BTAF1: variants seen among roughly 807,000 people sequenced by gnomAD.
BTAF1 encodes the protein TATA-binding protein-associated factor 172.
A neutral mutation model predicts 227.1 loss-of-function variants in BTAF1; 38 were observed. The ratio of observed to expected loss-of-function variants is 0.17; its 90% CI spans 0.13 to 0.22. BTAF1 has a LOEUF of 0.22. Among genes scored for constraint, BTAF1 ranks in the 10% least tolerant of loss-of-function variants. BTAF1 has a pLI of 1.00. For missense variants in BTAF1, 1,598 were observed against 2,204.0 expected, an observed-to-expected ratio of 0.73 and a Z score of 5.51; for synonymous variants, 742 against 751.9, an observed-to-expected ratio of 0.99 and a Z score of 0.21.
chr10:92,019,670 T>C (rs1850980192), intron 34 of BTAF1, among the ~76,000 whole-genome samples: 1 of 152,186 alleles, frequency 6.6e-6, no homozygotes, highest in African/African-American at 2.4e-5. Context: ...CCAACACTTG[T>C]TGATTTCTTT....
chr10:91,992,590 G>A (rs948366130), intron 21 of BTAF1, among the ~76,000 whole-genome samples: 3 of 152,156 alleles, frequency 2.0e-5, no homozygotes. Flanking sequence ...CTCAATAATA[G>A]TGAAAGCTAA....
At chr10:91,941,493 G>C (rs1193919670) in intron 3 of BTAF1, among the ~76,000 whole-genome samples, 1 of 152,120 alleles carries the variant, frequency 6.6e-6, no homozygotes, top group Non-Finnish European at 1.5e-5. Flanking sequence ...TTTGAGGAAG[G>C]AATACAGAAC....
chr10:91,950,223 C>T (rs1372970490), intron 4 of BTAF1, among the ~76,000 whole-genome samples: 1 of 150,430 alleles, frequency 6.6e-6, no homozygotes, highest in Non-Finnish European at 1.5e-5. Context: ...CTGGCTCTAT[C>T]TTCAGGCTAA....
chr10:91,950,036 G>T (rs4375360), intron 4 of BTAF1, among the ~76,000 whole-genome samples: 48,356 of 151,610 alleles, frequency 0.32, 8,835 homozygotes, highest in South Asian at 0.52. Context: ...TAGCTACTCA[G>T]AAGGCTGAGG....
chr10:92,009,337 A>T, intron 28 of BTAF1, 129 bp downstream of exon 28: 2 of 950,616 alleles, frequency 2.1e-6, no homozygotes, highest in Non-Finnish European at 3.1e-6. Flanking sequence ...TCACTTATGA[A>T]AAGTGAATGT....
chr10:92,017,442 T>C (rs1850814543), intron 33 of BTAF1, among the ~76,000 whole-genome samples: 1 of 152,168 alleles, frequency 6.6e-6, no homozygotes, highest in Admixed American at 6.5e-5. Flanking sequence ...CTCCTGCTAA[T>C]AGATTAAGTA....
chr10:92,023,129 A>G (rs1017049017), intron 34 of BTAF1, among the ~76,000 whole-genome samples: 1 of 152,170 alleles, frequency 6.6e-6, no homozygotes, highest in Non-Finnish European at 1.5e-5. Context: ...AGCCTAAATC[A>G]TATTATTTGC....
chr10:91,972,918 TATATA>T (rs1183116104), intron 14 of BTAF1, among the ~76,000 whole-genome samples: 1 of 152,232 alleles, frequency 6.6e-6, no homozygotes, highest in African/African-American at 2.4e-5. Flanking sequence ...TTGGAGATAT[TATATA>T]ATATACACTG....
intron 4 of BTAF1, among the ~76,000 whole-genome samples, chr10:91,946,219 C>T (rs1342182000): frequency 2.0e-5 from 3 of 152,118 alleles, no homozygotes; most frequent in African/African-American, 7.2e-5. Flanking sequence ...ATTAGCCAGG[C>T]GTGGTGACGC....
intron 4 of BTAF1, among the ~76,000 whole-genome samples, chr10:91,948,730 T>A (rs1303685388): frequency 6.6e-6 from 1 of 151,896 alleles, no homozygotes; most frequent in East Asian, 1.9e-4. Context: ...ATTGGCATAT[T>A]TTGCACATTA....
chr10:91,943,055 TG>T (rs1226955119), intron 4 of BTAF1, among the ~76,000 whole-genome samples: 1 of 152,176 alleles, frequency 6.6e-6, no homozygotes, highest in Non-Finnish European at 1.5e-5. Context: ...TATTCACACC[TG>T]TAATCCCAGC....
rs914929011 is a variant in BTAF1, at chr10:91,960,237, G to A, written c.1263+83G>A. The stretch of plus-strand genomic sequence containing the variant: ...TTTTCACTAATTAGACGAAATGGCC[G>A]TAGATTCTTACTGTTACAGAGAAGC... On this transcript the variant is annotated intron_variant, in intron 11 of 37. Transcript: ENST00000265990. 52 of 1,402,198 alleles carry A rather than the reference G, an allele frequency of 3.7e-5. 1 individual carries two copies. The highest frequency in any genetic ancestry group is 4.0e-4 in the Middle Eastern group (2 of 5,054). The allele number at this position is 1,402,198 out of a possible 1,614,324, so 86.9% of individuals were successfully genotyped here.
In BTAF1 at chr10:92,012,921, G is replaced by A. The variant is rs541056180; in HGVS notation, c.4312-746G>A. Among the ~76,000 whole-genome samples the A allele has an allele frequency of 5.3e-5, 8 of 152,290 alleles. 1 individual carries two copies. Among genetic ancestry groups the A allele is most frequent in the African/African-American group, 1.7e-4 (7 of 41,550 alleles). ...TATGTTATTGCTTTTACTTGGTTCA[G>A]ACATCGGAAGAAGTTTTTTGGTTTT... On this transcript the variant is annotated intron_variant, in intron 30 of 37. Coordinates refer to ENST00000265990, the MANE Select transcript of BTAF1 (RefSeq NM_003972.3).
At chr10:91,978,007 T>C (rs1444888679) in intron 14 of BTAF1, among the ~76,000 whole-genome samples, 1 of 152,200 alleles carries the variant, frequency 6.6e-6, no homozygotes, top group African/African-American at 2.4e-5. Flanking sequence ...CGAACCTGCA[T>C]TGACACATTA....
intron 34 of BTAF1, 94 bp downstream of exon 34, chr10:92,019,029 A>G: frequency 8.0e-7 from 1 of 1,248,614 alleles, no homozygotes; most frequent in Non-Finnish European, 1.1e-6. Context: ...TACTGTGTTT[A>G]CCATTTATTT....
intron 28 of BTAF1, among the ~76,000 whole-genome samples, chr10:92,010,614 A>T (rs544350380): frequency 6.6e-6 from 1 of 152,272 alleles, no homozygotes; most frequent in Admixed American, 6.5e-5. Context: ...CCTCTCTCTC[A>T]TGAATATATC....
In BTAF1 at chr10:92,029,625, A is replaced by G. The variant is rs551600588; in HGVS notation, c.*692A>G. 7.4e-4 allele frequency: 112 copies of G among 152,066 alleles called. No individual in the cohort carries two copies. The highest frequency in any genetic ancestry group is 2.6e-3 in the African/African-American group (107 of 41,518). The allele number at this position is 152,066 out of a possible 1,614,324, so 9.4% of individuals were successfully genotyped here. On this transcript the variant is annotated 3_prime_UTR_variant, in exon 38 of 38. Transcript: ENST00000265990. ...GAGGGTGGTTTTTTTTAATTTATCT[A>G]ATGGCTACGATATAGCCAGATTCAA...
At chr10:92,001,119 C>T (rs988640732) in intron 25 of BTAF1, among the ~76,000 whole-genome samples, 11 of 152,088 alleles carry the variant, frequency 7.2e-5, no homozygotes, top group African/African-American at 1.2e-4. Flanking sequence ...ATGAGAGAAA[C>T]GAAACAAATG....
chr10:91,992,657 T>G (rs891940910), intron 21 of BTAF1, among the ~76,000 whole-genome samples: 3 of 152,238 alleles, frequency 2.0e-5, no homozygotes, highest in African/African-American at 7.2e-5. Context: ...ACCTGACTTT[T>G]TTAGTCAATT....
Sources: gnomAD v4.1 joint callset for allele counts (sites outside exome capture counted in the v4.1 genomes callset) on GRCh38, gnomAD v4.1.1 for gene constraint, MANE v1.5 for transcripts, NCBI Gene and HGNC (gene_info 2026-07-23, HGNC 2026-07-21) for gene names.